KLF12: variants seen among roughly 807,000 people sequenced by gnomAD.
The protein encoded by KLF12 is Krueppel-like factor 12.
KLF12 carries 9 observed loss-of-function variants against 37.8 expected under a neutral mutation model. The observed-to-expected ratio is 0.24, with a 90% confidence interval of 0.14 to 0.42. KLF12 has a LOEUF of 0.42. Among genes scored for constraint, KLF12 ranks in the 10% least tolerant of loss-of-function variants. The pLI, the probability that KLF12 is intolerant of heterozygous loss-of-function variation, is 1.00. For synonymous variants in KLF12, 208 were observed against 202.1 expected (o/e 1.03, Z -0.25); for missense variants, 411 against 516.0 (o/e 0.80, Z 1.97).
At chr13:73,940,926 T>C (rs539463845) in intron 3 of KLF12, among the ~76,000 whole-genome samples, 1 of 152,212 alleles carries the variant, frequency 6.6e-6, no homozygotes, top group Non-Finnish European at 1.5e-5. Context: ...AGAGCCCACC[T>C]GACAGCAGAA....
intron 3 of KLF12, among the ~76,000 whole-genome samples, chr13:73,859,798 G>A (rs369716089): frequency 1.9e-4 from 29 of 151,806 alleles, no homozygotes; most frequent in African/African-American, 3.1e-4. Context: ...GAGAAAAGAC[G>A]GTAGGATAAA....
At chr13:74,100,163 A>G (rs1287527184) in intron 1 of KLF12, among the ~76,000 whole-genome samples, 3 of 152,178 alleles carry the variant, frequency 2.0e-5, no homozygotes, top group Non-Finnish European at 4.4e-5. Flanking sequence ...TAGGGAAAAT[A>G]AGTAAAATGA....
chr13:74,071,736 A>G (rs536149195), intron 1 of KLF12, among the ~76,000 whole-genome samples: 1 of 152,320 alleles, frequency 6.6e-6, no homozygotes, highest in Non-Finnish European at 1.5e-5. Flanking sequence ...ACCGAAATGG[A>G]TTCAAAGAAA....
intron 4 of KLF12, among the ~76,000 whole-genome samples, chr13:73,840,292 C>A (rs1265070236): frequency 1.3e-5 from 2 of 152,124 alleles, no homozygotes; most frequent in African/African-American, 4.8e-5. Context: ...CACTTTCTAA[C>A]CTCACAATGC....
chr13:73,954,331 T>G (rs1180109418), intron 2 of KLF12, among the ~76,000 whole-genome samples: 1 of 152,172 alleles, frequency 6.6e-6, no homozygotes, highest in Non-Finnish European at 1.5e-5. Flanking sequence ...TATTTGTAAT[T>G]TAAATATTTA....
intron 3 of KLF12, among the ~76,000 whole-genome samples, chr13:73,874,242 C>T (rs890255943): frequency 1.2e-4 from 19 of 152,232 alleles, no homozygotes; most frequent in Middle Eastern, 3.4e-3. Flanking sequence ...AGATATATTG[C>T]TTTTTATGGA....
At chr13:73,798,344 C>A (rs1882108477) in intron 5 of KLF12, among the ~76,000 whole-genome samples, 1 of 152,098 alleles carries the variant, frequency 6.6e-6, no homozygotes, top group African/African-American at 2.4e-5. Flanking sequence ...CAATACCAAC[C>A]TGGACATAGG....
the KLF12 span, among the ~76,000 whole-genome samples, chr13:74,138,982 A>G: frequency 6.6e-6 from 1 of 152,168 alleles, no homozygotes; most frequent in East Asian, 1.9e-4. Context: ...ATACATATCC[A>G]TCCTCTCACC....
intron 6 of KLF12, among the ~76,000 whole-genome samples, chr13:73,758,712 C>T (rs1456179934): frequency 1.3e-5 from 2 of 152,104 alleles, no homozygotes; most frequent in Non-Finnish European, 1.5e-5. Context: ...CCTTAATTCT[C>T]CTATAATTAG....
intron 5 of KLF12, among the ~76,000 whole-genome samples, chr13:73,797,358 CTTCT>C (rs1363153266): frequency 6.6e-6 from 1 of 152,148 alleles, no homozygotes; most frequent in East Asian, 1.9e-4. Context: ...ATAGCCATTC[CTTCT>C]TTCTTCATCT....
chr13:74,103,219 T>A (rs1422910618), intron 1 of KLF12, among the ~76,000 whole-genome samples: 2 of 152,246 alleles, frequency 1.3e-5, no homozygotes, highest in African/African-American at 2.4e-5. Context: ...AAAATTTGTA[T>A]CCCGAAACTA....
chr13:74,238,747 T>A, the KLF12 span, among the ~76,000 whole-genome samples: 22 of 151,608 alleles, frequency 1.5e-4, no homozygotes, highest in African/African-American at 4.9e-4. Context: ...TGTAGTATTC[T>A]CTGATGGTAG....
At chr13:74,182,412 G>A in the KLF12 span, among the ~76,000 whole-genome samples, 1 of 152,128 alleles carries the variant, frequency 6.6e-6, no homozygotes, top group African/African-American at 2.4e-5. Context: ...TGCAGCATTG[G>A]AAGACTAGGT....
rs1873935128 is a variant in KLF12 at position 73,693,521 on chromosome 13, A to G, written c.*1969T>C. On this transcript the variant is annotated 3_prime_UTR_variant, in exon 8 of 8. Coordinates refer to ENST00000377669, the MANE Select transcript of KLF12 (RefSeq NM_007249.5). ...ACACTGTTGCTTAATGTTTTAAAAA[A>G]TTCCTTTTGAATACCATCCAACACA... 1 of 152,266 alleles carries G rather than the reference A, an allele frequency of 6.6e-6. No homozygotes were observed. The highest frequency in any genetic ancestry group is 2.4e-5 in the African/African-American group (1 of 41,462). The allele number at this position is 152,266 out of a possible 1,614,324, so 9.4% of individuals were successfully genotyped here. A position where few individuals can be genotyped will look rare whatever the true frequency, so the allele number is the denominator to read the frequency against.
chr13:73,802,397 T>C (rs1424685793), intron 5 of KLF12, among the ~76,000 whole-genome samples: 2 of 152,328 alleles, frequency 1.3e-5, no homozygotes, highest in East Asian at 1.9e-4. Context: ...ATTTAATACA[T>C]TACTGAAGAG....
chr13:73,738,122 T>TACACAC (rs1474999870), intron 6 of KLF12, among the ~76,000 whole-genome samples: 1 of 64,934 alleles, frequency 1.5e-5, no homozygotes, highest in Non-Finnish European at 2.9e-5. Context: ...TATATATATA[T>TACACAC]ATACACACAC....
At chr13:74,247,898 G>A in the KLF12 span, among the ~76,000 whole-genome samples, 2 of 152,188 alleles carry the variant, frequency 1.3e-5, no homozygotes, top group Non-Finnish European at 2.9e-5. Flanking sequence ...GAGGATCACA[G>A]AAGCTAATAA....
chr13:74,013,853 CTTTTT>C (rs752776960), intron 1 of KLF12, among the ~76,000 whole-genome samples: 2 of 143,900 alleles, frequency 1.4e-5, no homozygotes, highest in Non-Finnish European at 1.5e-5. Context: ...TTCTTCTTTT[CTTTTT>C]TTTTTTTAAG....
At chr13:73,960,108 G>C (rs7321264) in intron 2 of KLF12, among the ~76,000 whole-genome samples, 99,222 of 151,446 alleles carry the variant, frequency 0.66, 34,218 homozygotes, top group East Asian at 0.81. Context: ...CCTGCTTCCA[G>C]TATTAAAAAT....
Sources: allele counts gnomAD v4.1 joint callset (sites outside exome capture counted in the v4.1 genomes callset), GRCh38; gene constraint gnomAD v4.1.1; transcripts MANE v1.5; gene names NCBI Gene and HGNC (gene_info 2026-07-23, HGNC 2026-07-21).